CCDC171: variants seen among roughly 807,000 people sequenced by gnomAD.
CCDC171 encodes coiled-coil domain-containing protein 171.
CCDC171 carries 177 observed loss-of-function variants against 168.2 expected under a neutral mutation model. That is an observed-to-expected ratio of 1.05 (90% confidence interval 0.93 to 1.19). The LOEUF is 1.19. Ranked by LOEUF, CCDC171 falls within the 50% of genes most tolerant of loss-of-function variation. The pLI, the probability that CCDC171 is intolerant of heterozygous loss-of-function variation, is 0.00. For synonymous variants in CCDC171, 687 were observed against 540.8 expected (o/e 1.27, Z -3.75); for missense variants, 1,991 against 1,539.0 (o/e 1.29, Z -4.91).
At chr9:15,665,645 G>C (rs533156404) in intron 8 of CCDC171, among the ~76,000 whole-genome samples, 2 of 152,242 alleles carry the variant, frequency 1.3e-5, no homozygotes, top group African/African-American at 4.8e-5. Context: ...GCTGGGTGTG[G>C]TGGTGTGCAC....
At chr9:15,899,235 A>C (rs7048588) in intron 24 of CCDC171, among the ~76,000 whole-genome samples, 1 of 152,154 alleles carries the variant, frequency 6.6e-6, no homozygotes, top group Non-Finnish European at 1.5e-5. Flanking sequence ...TTAGCCATTC[A>C]TTCACTGAAG....
At chr9:15,595,832 T>G (rs370873432) in intron 6 of CCDC171, among the ~76,000 whole-genome samples, 1 of 152,178 alleles carries the variant, frequency 6.6e-6, no homozygotes, top group East Asian at 1.9e-4. Flanking sequence ...TTTTAATGAT[T>G]GCCATTCTAA....
At chr9:15,718,328 T>C (rs951347266) in intron 11 of CCDC171, among the ~76,000 whole-genome samples, 7 of 152,144 alleles carry the variant, frequency 4.6e-5, no homozygotes, top group African/African-American at 1.4e-4. Flanking sequence ...ACCAGGTAGA[T>C]TCCTAAGGTT....
At chr9:15,661,624 T>C (rs1456912617) in intron 8 of CCDC171, among the ~76,000 whole-genome samples, 1 of 152,242 alleles carries the variant, frequency 6.6e-6, no homozygotes, top group African/African-American at 2.4e-5. Flanking sequence ...GAGTACTAAG[T>C]AGCTATAACT....
At chr9:15,898,293 G>T (rs1299877187) in intron 24 of CCDC171, among the ~76,000 whole-genome samples, 1 of 152,050 alleles carries the variant, frequency 6.6e-6, no homozygotes, top group Admixed American at 6.6e-5. Context: ...ACCTCCTTTG[G>T]GGCTTACATG....
At chr9:15,570,861 TC>T in intron 2 of CCDC171, among the ~76,000 whole-genome samples, 1 of 152,346 alleles carries the variant, frequency 6.6e-6, no homozygotes, top group East Asian at 1.9e-4. Context: ...TGTCTTCTGA[TC>T]CAGAGACCGT....
At chr9:15,574,175 C>T (rs2040450804) in intron 3 of CCDC171, among the ~76,000 whole-genome samples, 1 of 150,950 alleles carries the variant, frequency 6.6e-6, no homozygotes. Context: ...GAGTCTCACT[C>T]AGTCTGTTGT....
At chr9:15,945,422 A>G (rs1828236785) in intron 25 of CCDC171, among the ~76,000 whole-genome samples, 1 of 150,966 alleles carries the variant, frequency 6.6e-6, no homozygotes, top group South Asian at 2.1e-4. Context: ...GTCAGATGGT[A>G]TTTCTAGTTC....
intron 23 of CCDC171, among the ~76,000 whole-genome samples, chr9:15,862,228 C>G (rs1473972520): frequency 1.3e-5 from 2 of 151,448 alleles, no homozygotes; most frequent in African/African-American, 4.8e-5. Context: ...TGAATAAAGA[C>G]TTAAACTGTC....
At chr9:15,743,570 C>A (rs2055046905) in intron 16 of CCDC171, among the ~76,000 whole-genome samples, 1 of 152,170 alleles carries the variant, frequency 6.6e-6, no homozygotes. Flanking sequence ...GTGGTTCTTA[C>A]AGTTAAATTT....
At chr9:16,056,842 C>G (rs182582144) in intron 1 of CCDC171, among the ~76,000 whole-genome samples, 1 of 152,054 alleles carries the variant, frequency 6.6e-6, no homozygotes, top group Non-Finnish European at 1.5e-5. Flanking sequence ...TGAATTATAT[C>G]TCATTAAAGC....
chr9:15,923,253 A>G (rs1458344532), intron 25 of CCDC171, among the ~76,000 whole-genome samples: 1 of 151,400 alleles, frequency 6.6e-6, no homozygotes, highest in Non-Finnish European at 1.5e-5. Flanking sequence ...TAATCAGCCT[A>G]AGTGTCCATC....
chr9:15,687,801 C>T (rs189320585), intron 10 of CCDC171, among the ~76,000 whole-genome samples: 75 of 152,174 alleles, frequency 4.9e-4, no homozygotes, highest in African/African-American at 1.6e-3. Context: ...TCTAGAAAGA[C>T]ACAAATTACC....
the CCDC171 span, among the ~76,000 whole-genome samples, chr9:16,100,539 A>G: frequency 1.2e-4 from 19 of 152,222 alleles, no homozygotes; most frequent in Non-Finnish European, 2.5e-4. Flanking sequence ...TTGGCAGCTC[A>G]TGAAAGCTCC....
At chr9:15,935,501 T>C (rs1049188035) in intron 25 of CCDC171, among the ~76,000 whole-genome samples, 4 of 152,056 alleles carry the variant, frequency 2.6e-5, no homozygotes, top group African/African-American at 7.2e-5. Context: ...TTTTGTCTTG[T>C]TCCTGTGTCA....
chr9:16,075,728 G>GA, the CCDC171 span, among the ~76,000 whole-genome samples: 1 of 151,918 alleles, frequency 6.6e-6, no homozygotes, highest in African/African-American at 2.4e-5. Flanking sequence ...TAAATGCTCT[G>GA]AAAAAAACAA....
At chr9:15,700,320 G>A (rs536944513) in intron 11 of CCDC171, among the ~76,000 whole-genome samples, 241 of 152,344 alleles carry the variant, frequency 1.6e-3, no homozygotes, top group Non-Finnish European at 2.8e-3. Flanking sequence ...TGGCAGGGCC[G>A]GCCGGCTGCT....
Position 15,579,032 on chromosome 9 carries a change from G to C in CCDC171, c.352+9G>C. The C allele has an allele frequency of 1.2e-6, 2 of 1,609,870 alleles. No individual in the cohort carries two copies. Among genetic ancestry groups the C allele is most frequent in the South Asian group, 1.1e-5 (1 of 90,728 alleles). On this transcript the variant is annotated intron_variant, in intron 4 of 25. Coordinates refer to ENST00000380701, the MANE Select transcript of CCDC171 (RefSeq NM_173550.4). ...CCAAGAAAAACTCTGTGGTAAGACT[G>C]TTTCTATTTCTTCCCAAGTTTAGGG...
intron 21 of CCDC171, among the ~76,000 whole-genome samples, chr9:15,807,974 A>G (rs1300106725): frequency 6.6e-6 from 1 of 151,816 alleles, no homozygotes; most frequent in African/African-American, 2.4e-5. Context: ...GTTGTTCAGT[A>G]TCTGAAAACA....
Sources: gnomAD v4.1 joint callset for allele counts (sites outside exome capture counted in the v4.1 genomes callset) on GRCh38, gnomAD v4.1.1 for gene constraint, MANE v1.5 for transcripts, NCBI Gene and HGNC (gene_info 2026-07-23, HGNC 2026-07-21) for gene names.